The following MYBBP1A variants were observed in gnomAD, a reference collection of about 807,000 sequenced individuals.
MYBBP1A encodes the protein MYB binding protein 1a, also known as myb-binding protein 1A.
Under a neutral mutation model 136.3 loss-of-function variants are expected in MYBBP1A, and 147 were observed. The observed-to-expected ratio is 1.08, with a 90% CI of 0.94 to 1.24. MYBBP1A has a LOEUF of 1.24. Ranked by LOEUF, MYBBP1A falls within the 50% of genes most tolerant of loss-of-function variation. The pLI is 0.00. For synonymous variants in MYBBP1A, 947 were observed against 735.8 expected, an observed-to-expected ratio of 1.29 and a Z score of -4.65; for missense variants, 2,060 against 1,727.4, an observed-to-expected ratio of 1.19 and a Z score of -3.41.
In MYBBP1A at chr17:4,538,978, T is replaced by G; in HGVS notation, c.*437A>C. On this transcript the variant is annotated 3_prime_UTR_variant, in exon 26 of 26. Transcript: ENST00000254718. ...CTGCTGATTGTGAATCTCAGAGTCT[T>G]AAGAGAGAAGCCAAATATATTCCTC... 1.3e-6 allele frequency: 1 copy of G among 798,458 alleles called. No homozygotes were observed. Among genetic ancestry groups the G allele is most frequent in the Non-Finnish European group, 2.3e-6 (1 of 434,072 alleles). 49.5% of individuals were successfully genotyped at this position (798,458 alleles called of 1,614,324 possible).
In MYBBP1A at chr17:4,544,502, C is replaced by A. The variant is rs760318067; in HGVS notation, c.2626G>T (p.Ala876Ser). The A allele has an allele frequency of 1.3e-6, 2 of 1,550,782 alleles. No individual in the cohort carries two copies. The highest frequency in any genetic ancestry group is 1.7e-6 in the Non-Finnish European group (2 of 1,148,142). Residue 876 changes from alanine (A) to serine (S), a missense_variant, in exon 19 of 26, where the codon GCG becomes TCG. Coordinates refer to ENST00000254718, the MANE Select transcript of MYBBP1A (RefSeq NM_014520.4). Reference sequence around the variant, plus strand: ...CCCCGTGCTCACGTGAAGATGCGCGCCGTCTTGTGCAGAAGGTCCTGCTCC... The same window carrying A: ...CCCCGTGCTCACGTGAAGATGCGCGACGTCTTGTGCAGAAGGTCCTGCTCC... Reference protein sequence around the residue: ...KQEQDLLHKTARIFTHHLCRA... With the variant: ...KQEQDLLHKTSRIFTHHLCRA...
Position 4,548,736 on chromosome 17 carries a change from A to C in MYBBP1A, c.1431-87T>G. The C allele has an allele frequency of 6.4e-7, 1 of 1,570,364 alleles. No individual in the cohort carries two copies. Among genetic ancestry groups the C allele is most frequent in the Non-Finnish European group, 8.7e-7 (1 of 1,153,416 alleles). On this transcript the variant is annotated intron_variant, in intron 10 of 25. Coordinates refer to ENST00000254718, the MANE Select transcript of MYBBP1A (RefSeq NM_014520.4). The surrounding 1 kb of genome is among the most constrained non-coding windows in gnomAD (Gnocchi z 4.2). Reference sequence around the variant, plus strand: ...CCTTGGATGGTACCACCGAGGGTACAAGGCCAGGAGGAGGAGGAGCCGCCC... The same window carrying C: ...CCTTGGATGGTACCACCGAGGGTACCAGGCCAGGAGGAGGAGGAGCCGCCC...
At chr17:4,542,288 C>A (rs2144429341) in intron 22 of MYBBP1A, 176 bp downstream of exon 22, 1 of 712,608 alleles carries the variant, frequency 1.4e-6, no homozygotes, top group African/African-American at 1.8e-5. Context: ...TGGCAGGGGC[C>A]AGGGCACGGC....
Position 4,548,193 on chromosome 17 carries a change from G to A in MYBBP1A, c.1674C>T (p.Asn558=), listed in dbSNP as rs141617248. ...CAGTGAAGGGTGTCACGGTGGTCAC[G>A]TTGTGGCTGTGATTCAACAGGAGGT... The part of the protein sequence containing the change: ...FADLLLNHSH[N]VTTVTPFTAQ... The change falls in exon 12 of 26, where the codon AAC becomes AAT. Residue 558 remains asparagine (N), a synonymous_variant. Transcript: ENST00000254718. This position sits in a 1 kb window ranked among gnomAD's most constrained non-coding sequence, Gnocchi z 4.2. The A allele has an allele frequency of 1.8e-5, 29 of 1,607,000 alleles. No individual in the cohort carries two copies. The highest frequency in any genetic ancestry group is 4.0e-5 in the African/African-American group (3 of 74,926).
intron 13 of MYBBP1A, among the ~76,000 whole-genome samples, chr17:4,547,214 C>T (rs569727966): frequency 6.6e-6 from 1 of 152,148 alleles, no homozygotes; most frequent in Non-Finnish European, 1.5e-5. Context: ...GCCAGGGCTG[C>T]ACCTTTTATC....
At position 4,552,187 on chromosome 17, in the gene MYBBP1A, G is replaced by A. The variant is rs267604930; in HGVS notation, c.843C>T (p.Phe281=). The change falls in exon 7 of 26, where the codon TTC becomes TTT. Residue 281 remains phenylalanine (F), a synonymous_variant. Transcript: ENST00000254718. The surrounding 1 kb of genome is among the most constrained non-coding windows in gnomAD (Gnocchi z 4.7). ...CCACCACCTCCTTCCAGAACCGTGGGAACTTGTCTTCCTTGAGTGCCAGGC... is the reference window on the plus strand; with the variant it reads ...CCACCACCTCCTTCCAGAACCGTGGAAACTTGTCTTCCTTGAGTGCCAGGC... ...LLRLALKEDK[F]PRFWKEVVEQ... is the part of the protein sequence containing the mutation. 1 of 1,614,228 alleles carries A rather than the reference G, an allele frequency of 6.2e-7. No homozygotes were observed. Among genetic ancestry groups the A allele is most frequent in the East Asian group, 2.2e-5 (1 of 44,886 alleles).
intron 17 of MYBBP1A, 32 bp downstream of exon 17, chr17:4,544,994 C>T (rs776946361): frequency 1.5e-5 from 21 of 1,425,538 alleles, no homozygotes; most frequent in South Asian, 9.4e-5. Context: ...GAGCCCTCCC[C>T]GGCCGCCCCC....
intron 9 of MYBBP1A, 143 bp downstream of exon 9, chr17:4,549,915 C>G (rs1178543212): frequency 1.2e-6 from 1 of 848,866 alleles, no homozygotes; most frequent in Admixed American, 2.9e-5. Flanking sequence ...ACTGAGGCCT[C>G]ATATGAGAGC....
rs1445606218 is a variant in MYBBP1A at position 4,548,002 on chromosome 17, C to A, written c.1780G>T (p.Ala594Ser). 6.5e-7 allele frequency: 1 copy of A among 1,537,606 alleles called. No homozygotes were observed. Among genetic ancestry groups the A allele is most frequent in the African/African-American group, 1.4e-5 (1 of 73,016 alleles). ...ACGAGGAGCAGAAGGTGCTGGAAGG[C>A]AGCAGCCCTGGCCTCTGCGGAGTGG... The part of the protein sequence containing the change: ...EAHSAEARAA[A>S]FQHLLLLVGI... The change falls in exon 13 of 26, where the codon GCC becomes TCC. Residue 594 changes from alanine to serine, a missense_variant. By Grantham distance (99) the Ala-to-Ser change is moderately conservative. Transcript: ENST00000254718. The surrounding 1 kb of genome is among the most constrained non-coding windows in gnomAD (Gnocchi z 4.2).
chr17:4,542,939 G>A lies in MYBBP1A; in HGVS notation c.2866C>T (p.Pro956Ser), dbSNP rs1811038122. 2 of 1,614,014 alleles carry A rather than the reference G, an allele frequency of 1.2e-6. No homozygotes were observed. Among genetic ancestry groups the A allele is most frequent in the Non-Finnish European group, 8.5e-7 (1 of 1,179,990 alleles). The part of the protein sequence containing the change: ...TQEKQKAGTD[P>S]SHMPTGPQAA... ...TGCGGGCCCGTGGGCATGTGGCTGGGGTCAGTGCCAGCTTTCTGCTTCTCC... is the reference window on the plus strand; with the variant it reads ...TGCGGGCCCGTGGGCATGTGGCTGGAGTCAGTGCCAGCTTTCTGCTTCTCC... Residue 956 changes from proline (P) to serine (S), a missense_variant, in exon 20 of 26, where the codon CCC becomes TCC. By Grantham distance (74) the Pro-to-Ser change is moderately conservative (BLOSUM62 -1). Transcript: ENST00000254718.
intron 23 of MYBBP1A, 48 bp from the exon 24 acceptor site, chr17:4,541,612 C>A (rs759506857): frequency 1.9e-6 from 3 of 1,583,152 alleles, no homozygotes; most frequent in Non-Finnish European, 2.6e-6. Context: ...CTGCTCAAAG[C>A]CTTTCTGTTT....
Position 4,549,352 on chromosome 17 carries a change from G to T in MYBBP1A, c.1410C>A (p.Ala470=). ...VDSLHLEMEE[A]LTEQVARFCL... is the part of the protein sequence containing the mutation. Reference sequence around the variant, plus strand: ...CGCACCTGGCCACCTGCTCAGTCAAGGCCTCCTCCATCTCCAGGTGCAGGC... The same window carrying T: ...CGCACCTGGCCACCTGCTCAGTCAATGCCTCCTCCATCTCCAGGTGCAGGC... The change falls in exon 10 of 26, where the codon GCC becomes GCA. Residue 470 remains alanine, a synonymous_variant. Transcript: ENST00000254718. The T allele has an allele frequency of 6.2e-7, 1 of 1,612,370 alleles. No homozygotes were observed.
chr17:4,552,686 G>A lies in MYBBP1A; in HGVS notation c.562-60C>T. 2 of 1,521,150 alleles carry A rather than the reference G, an allele frequency of 1.3e-6. No homozygotes were observed. Among genetic ancestry groups the A allele is most frequent in the Non-Finnish European group, 9.0e-7 (1 of 1,115,026 alleles). The allele number at this position is 1,521,150 out of a possible 1,614,324, so 94.2% of individuals were successfully genotyped here. On this transcript the variant is annotated intron_variant, in intron 5 of 25. Transcript: ENST00000254718. The surrounding 1 kb of genome is among the most constrained non-coding windows in gnomAD (Gnocchi z 4.7). ...CTGCGGGGTGAGCCTGGTGGATCCT[G>A]TTCTACCTGCTCCTGACACGGGGCC...
chr17:4,546,330 G>A (rs1907009549), intron 13 of MYBBP1A, among the ~76,000 whole-genome samples: 1 of 152,332 alleles, frequency 6.6e-6, no homozygotes, highest in Non-Finnish European at 1.5e-5. Context: ...TGTTGGCCAG[G>A]CTGGTCTTGA....
rs779112111 is a variant in MYBBP1A at position 4,542,700 on chromosome 17, G to A, written c.2934C>T (p.Tyr978=). Residue 978 remains tyrosine (Y), a synonymous_variant, in exon 21 of 26, where the codon TAC becomes TAT. Transcript: ENST00000254718. ...TCAGGAAGGAGCTCAGTGCTGTCGAGTACACCCGGGTCACCAGGTTCAAGT... is the reference window on the plus strand; with the variant it reads ...TCAGGAAGGAGCTCAGTGCTGTCGAATACACCCGGGTCACCAGGTTCAAGT... ...CLDLNLVTRV[Y]STALSSFLTK... is the part of the protein sequence containing the mutation. 1.2e-6 allele frequency: 2 copies of A among 1,614,062 alleles called. No individual in the cohort carries two copies. The highest frequency in any genetic ancestry group is 1.7e-6 in the Non-Finnish European group (2 of 1,179,952).
In MYBBP1A at chr17:4,549,459, C is replaced by G. The variant is rs568034069; in HGVS notation, c.1320-17G>C. ...CGCTCAGGCCTAGCGGGGCAGGAGGCGAGGTCATGTGAGCCACTTATAACT... is the reference window on the plus strand; with the variant it reads ...CGCTCAGGCCTAGCGGGGCAGGAGGGGAGGTCATGTGAGCCACTTATAACT... On this transcript the variant is annotated splice_polypyrimidine_tract_variant and intron_variant, in intron 9 of 25. Transcript: ENST00000254718. 3.7e-6 allele frequency: 6 copies of G among 1,607,630 alleles called. No homozygotes were observed. Among genetic ancestry groups the G allele is most frequent in the Non-Finnish European group, 5.1e-6 (6 of 1,177,654 alleles).
In MYBBP1A at chr17:4,539,955, C is replaced by T. The variant is rs771123977; in HGVS notation, c.3447G>A (p.Leu1149=). The T allele has an allele frequency of 4.4e-6, 7 of 1,598,278 alleles. No individual in the cohort carries two copies. The highest frequency in any genetic ancestry group is 4.5e-5 in the East Asian group (2 of 44,858). The part of the protein sequence containing the change: ...MKTLGVQRPK[L]EKKDAKEIPS... ...GGATCTCCTTGGCATCCTTCTTCTCCAACTTGGGGCGCCTGAAGGGAAGTG... is the reference window on the plus strand; with the variant it reads ...GGATCTCCTTGGCATCCTTCTTCTCTAACTTGGGGCGCCTGAAGGGAAGTG... The change falls in exon 26 of 26, where the codon TTG becomes TTA. Residue 1149 remains leucine, a synonymous_variant. Transcript: ENST00000254718.
rs757800902 is a variant in MYBBP1A, at chr17:4,545,915, CCAG to C, written c.1849_1851del (p.Leu617del). ...TTCCTGATGCAGGTCTGGATGTCAC[CCAG>C]CAGGTCACAGCTCTCTGCAGGGGAC... On this transcript the variant is annotated inframe_deletion, in exon 14 of 26. Coordinates refer to ENST00000254718, the MANE Select transcript of MYBBP1A (RefSeq NM_014520.4). 1.2e-6 allele frequency: 2 copies of C among 1,613,204 alleles called. No homozygotes were observed. The highest frequency in any genetic ancestry group is 2.2e-5 in the East Asian group (1 of 44,888).
At position 4,539,281 on chromosome 17, in the gene MYBBP1A, G is replaced by T; in HGVS notation, c.*134C>A. On this transcript the variant is annotated 3_prime_UTR_variant, in exon 26 of 26. Coordinates refer to ENST00000254718, the MANE Select transcript of MYBBP1A (RefSeq NM_014520.4). ...GCCAGAGCAGGATGCCCGGGCAGGC[G>T]GCAACAGCCACCCTCCCCAGTGGCA... 1 of 1,492,156 alleles carries T rather than the reference G, an allele frequency of 6.7e-7. No individual in the cohort carries two copies. Among genetic ancestry groups the T allele is most frequent in the Non-Finnish European group, 8.8e-7 (1 of 1,132,148 alleles). The allele number at this position is 1,492,156 out of a possible 1,614,324, so 92.4% of individuals were successfully genotyped here. A position where few individuals can be genotyped will look rare whatever the true frequency, so the allele number is the denominator to read the frequency against.
Sources: gnomAD v4.1 joint callset for allele counts (sites outside exome capture counted in the v4.1 genomes callset) on GRCh38, gnomAD v4.1.1 for gene constraint, Gnocchi (gnomAD v3.1) non-coding constraint, MANE v1.5 for transcripts, NCBI Gene and HGNC (gene_info 2026-07-23, HGNC 2026-07-21) for gene names.